PDE4D: variants seen among roughly 807,000 people sequenced by gnomAD.
PDE4D encodes the protein 3',5'-cyclic-AMP phosphodiesterase 4D.
In PDE4D, 24 loss-of-function variants were observed where a neutral mutation model predicts 87.4. That is an observed-to-expected ratio of 0.27 (90% CI 0.20 to 0.39). The LOEUF (loss-of-function observed/expected upper bound fraction) is 0.39. PDE4D is among the 10% of genes least tolerant of loss of function. PDE4D has a pLI of 1.00. For synonymous variants in PDE4D, 384 were observed against 383.2 expected, an observed-to-expected ratio of 1.00 and a Z score of -0.02; for missense variants, 714 against 1,041.0, an observed-to-expected ratio of 0.69 and a Z score of 4.32.
At chr5:59,869,646 G>T (rs559547586) in intron 1 of PDE4D, among the ~76,000 whole-genome samples, 1 of 152,098 alleles carries the variant, frequency 6.6e-6, no homozygotes, top group Non-Finnish European at 1.5e-5. Context: ...TCGTTTTCTC[G>T]TAATTACCAG....
intron 3 of PDE4D, among the ~76,000 whole-genome samples, chr5:59,187,214 T>G (rs535522867): frequency 1.9e-3 from 290 of 152,292 alleles, no homozygotes; most frequent in Non-Finnish European, 2.9e-3. Flanking sequence ...AAAAAATTTC[T>G]GTAGAGGAGT....
chr5:59,022,773 C>T (rs992787355), intron 6 of PDE4D, among the ~76,000 whole-genome samples: 3 of 152,222 alleles, frequency 2.0e-5, no homozygotes, highest in African/African-American at 7.2e-5. Flanking sequence ...AAACGAGGTA[C>T]TGTAGGATTC....
chr5:59,257,706 G>A (rs1409367538), intron 1 of PDE4D, among the ~76,000 whole-genome samples: 2 of 151,968 alleles, frequency 1.3e-5, no homozygotes, highest in Admixed American at 1.3e-4. Flanking sequence ...TAAAGTCAAA[G>A]TGAGATCTTA....
intron 1 of PDE4D, among the ~76,000 whole-genome samples, chr5:60,195,916 AT>A (rs1225086330): frequency 1.3e-5 from 2 of 151,732 alleles, no homozygotes; most frequent in Non-Finnish European, 1.5e-5. Context: ...GAAAGTAGAC[AT>A]TGACGGTTCT....
chr5:60,438,120 T>C (rs1173607439), intron 1 of PDE4D, among the ~76,000 whole-genome samples: 1 of 152,272 alleles, frequency 6.6e-6, no homozygotes, highest in Admixed American at 6.5e-5. Flanking sequence ...TGTTCTGACA[T>C]GTCAGATAAT....
intron 1 of PDE4D, among the ~76,000 whole-genome samples, chr5:59,802,178 A>G (rs1285129423): frequency 6.6e-6 from 1 of 152,082 alleles, no homozygotes; most frequent in African/African-American, 2.4e-5. Context: ...AGCCCACATC[A>G]ATTAGAAGAG....
intron 2 of PDE4D, among the ~76,000 whole-genome samples, chr5:59,999,708 C>A (rs570966396): frequency 6.6e-6 from 1 of 151,646 alleles, no homozygotes; most frequent in African/African-American, 2.4e-5. Context: ...AAACATGACA[C>A]AATCAAAGGA....
intron 4 of PDE4D, among the ~76,000 whole-genome samples, chr5:59,182,327 A>C (rs543459852): frequency 3.6e-4 from 54 of 151,704 alleles, no homozygotes; most frequent in Non-Finnish European, 7.4e-4. Flanking sequence ...GTGTGATCAT[A>C]GCTCACTACA....
intron 1 of PDE4D, among the ~76,000 whole-genome samples, chr5:59,403,144 G>GGT (rs370025099): frequency 0.093 from 12,208 of 131,150 alleles, 1,468 homozygotes; most frequent in African/African-American, 0.29. Context: ...TAGGTAGGTA[G>GGT]ACAGACAGAC....
chr5:59,926,774 G>A (rs1307669100), intron 3 of PDE4D, among the ~76,000 whole-genome samples: 1 of 152,118 alleles, frequency 6.6e-6, no homozygotes, highest in Non-Finnish European at 1.5e-5. Context: ...GGAAAAGCTA[G>A]AAGAAATGAA....
At chr5:59,734,231 A>G (rs1368811657) in intron 1 of PDE4D, among the ~76,000 whole-genome samples, 2 of 152,020 alleles carry the variant, frequency 1.3e-5, no homozygotes, top group Non-Finnish European at 2.9e-5. Flanking sequence ...TGCTCAAACC[A>G]TGGTTGACAG....
intron 2 of PDE4D, among the ~76,000 whole-genome samples, chr5:60,086,103 C>G (rs931077297): frequency 6.6e-6 from 1 of 152,142 alleles, no homozygotes. Flanking sequence ...AAAAATACCA[C>G]ACACTGAATT....
chr5:59,327,969 A>G (rs1776018690), intron 1 of PDE4D, among the ~76,000 whole-genome samples: 1 of 152,192 alleles, frequency 6.6e-6, no homozygotes, highest in Non-Finnish European at 1.5e-5. Flanking sequence ...TACAAGATAC[A>G]AATGTTCTAT....
At chr5:60,005,249 T>C (rs573327604) in intron 2 of PDE4D, among the ~76,000 whole-genome samples, 9 of 152,194 alleles carry the variant, frequency 5.9e-5, no homozygotes, top group South Asian at 2.1e-4. Context: ...TAATCTAACA[T>C]AGTTGAACTC....
chr5:59,049,702 A>T (rs749625140), intron 5 of PDE4D, among the ~76,000 whole-genome samples: 10 of 152,220 alleles, frequency 6.6e-5, no homozygotes, highest in Non-Finnish European at 1.0e-4. Flanking sequence ...AATATTTTTC[A>T]CTCTAAAAGT....
At chr5:59,810,854 A>G (rs1768276141) in intron 1 of PDE4D, among the ~76,000 whole-genome samples, 1 of 152,242 alleles carries the variant, frequency 6.6e-6, no homozygotes, top group African/African-American at 2.4e-5. Flanking sequence ...GCAACAGCTG[A>G]AAAATCAAAA....
chr5:59,340,483 A>AG (rs1282469589), intron 1 of PDE4D, among the ~76,000 whole-genome samples: 1 of 152,204 alleles, frequency 6.6e-6, no homozygotes, highest in Non-Finnish European at 1.5e-5. Flanking sequence ...TAATCACATC[A>AG]GGGTAAATGA....
chr5:59,465,512 A>G (rs1401781517), intron 1 of PDE4D, among the ~76,000 whole-genome samples: 3 of 152,160 alleles, frequency 2.0e-5, no homozygotes, highest in Non-Finnish European at 4.4e-5. Context: ...ACTACACAAC[A>G]CTGATTTTTT....
intron 1 of PDE4D, among the ~76,000 whole-genome samples, chr5:60,277,940 T>C (rs1293359608): frequency 2.0e-5 from 3 of 152,172 alleles, no homozygotes; most frequent in Non-Finnish European, 4.4e-5. Context: ...TGTTATAATT[T>C]TTGTCAACCA....
Sources: allele counts gnomAD v4.1 joint callset (sites outside exome capture counted in the v4.1 genomes callset), GRCh38; gene constraint gnomAD v4.1.1; transcripts MANE v1.5; gene names NCBI Gene and HGNC (gene_info 2026-07-23, HGNC 2026-07-21).